The following OPCML variants were observed in gnomAD, a reference collection of about 807,000 sequenced individuals.
OPCML encodes the protein opioid binding protein/cell adhesion molecule like.
Under a neutral mutation model 37.8 loss-of-function variants are expected in OPCML, and 13 were observed. That is an observed-to-expected ratio of 0.34 (90% confidence interval 0.22 to 0.55). The LOEUF (loss-of-function observed/expected upper bound fraction) is 0.55, where lower values mean the gene tolerates loss of function less well. OPCML is among the 20% of genes least tolerant of loss of function. The pLI is 0.91. For missense variants in OPCML, 341 were observed against 435.6 expected, an observed-to-expected ratio of 0.78 and a Z score of 1.93; for synonymous variants, 176 against 168.8, an observed-to-expected ratio of 1.04 and a Z score of -0.33.
intron 1 of OPCML, chr11:133,008,191 A>T: frequency 3.0e-6 from 3 of 985,426 alleles, no homozygotes; most frequent in South Asian, 9.4e-5. Context: ...GGGTCATTCC[A>T]TTGGCTACAG....
intron 1 of OPCML, chr11:133,423,081 C>T: frequency 1.5e-5 from 15 of 985,408 alleles, no homozygotes; most frequent in African/African-American, 1.7e-5. Context: ...TGCTCTCGAA[C>T]GTGTTCTCCA....
intron 4 of OPCML, among the ~76,000 whole-genome samples, chr11:132,499,066 C>T (rs116367868): frequency 1.3e-5 from 2 of 152,342 alleles, no homozygotes; most frequent in African/African-American, 4.8e-5. Context: ...CATGGTAGCA[C>T]ACCTTGAAAT....
chr11:132,964,805 C>G (rs1487934079), intron 1 of OPCML, among the ~76,000 whole-genome samples: 1 of 152,068 alleles, frequency 6.6e-6, no homozygotes, highest in Non-Finnish European at 1.5e-5. Flanking sequence ...TTCTATCGTT[C>G]CTTTATGAAG....
intron 2 of OPCML, among the ~76,000 whole-genome samples, chr11:132,721,801 G>A (rs540440394): frequency 8.6e-5 from 13 of 152,036 alleles, no homozygotes; most frequent in South Asian, 8.3e-4. Context: ...AAATAGCCTC[G>A]GCTTTCAAGA....
chr11:133,490,603 GC>G (rs1591558271), intron 1 of OPCML, among the ~76,000 whole-genome samples: 1 of 152,174 alleles, frequency 6.6e-6, no homozygotes, highest in Non-Finnish European at 1.5e-5. Context: ...GCCCGGGTCA[GC>G]CCAGGAGATA....
chr11:132,982,555 A>G (rs918785990), intron 1 of OPCML, among the ~76,000 whole-genome samples: 3 of 151,346 alleles, frequency 2.0e-5, no homozygotes, highest in Admixed American at 2.0e-4. Context: ...AGCTTAAGAG[A>G]CAGCTGGGTT....
At position 132,723,872 on chromosome 11, in the gene OPCML, T is replaced by C. The variant is rs571403264; in HGVS notation, c.147-66553A>G. ...TGCTCCAGGGAAAATGAAAAATCCC[T>C]TGGCTAGAGAGAAGGGGGTGGAAAA... On this transcript the variant is annotated intron_variant, in intron 2 of 7. Coordinates refer to ENST00000524381, the MANE Select transcript of OPCML (RefSeq NM_001012393.5). 3.9e-5 allele frequency among the ~76,000 whole-genome samples: 6 copies of C among 152,308 alleles called. No homozygotes were observed. In the East Asian group the frequency reaches 1.2e-3, roughly 29 times the overall value.
intron 1 of OPCML, among the ~76,000 whole-genome samples, chr11:133,014,133 C>T (rs1216100061): frequency 6.6e-6 from 1 of 152,176 alleles, no homozygotes; most frequent in African/African-American, 2.4e-5. Context: ...CAGTTATTTG[C>T]CTGCCCACAA....
intron 2 of OPCML, among the ~76,000 whole-genome samples, chr11:132,733,071 T>C (rs1945132683): frequency 6.6e-6 from 1 of 152,196 alleles, no homozygotes; most frequent in African/African-American, 2.4e-5. Flanking sequence ...TCACATTATC[T>C]CAATGATATG....
chr11:132,455,478 G>C (rs1413825936), intron 4 of OPCML, among the ~76,000 whole-genome samples: 1 of 152,174 alleles, frequency 6.6e-6, no homozygotes, highest in Non-Finnish European at 1.5e-5. Flanking sequence ...GTGGGCAAAG[G>C]TTAAATCTTC....
intron 1 of OPCML, among the ~76,000 whole-genome samples, chr11:133,120,661 G>A (rs1267113421): frequency 6.6e-6 from 1 of 152,190 alleles, no homozygotes; most frequent in Non-Finnish European, 1.5e-5. Context: ...GTGCTTTTAA[G>A]TAAGTGATTC....
intron 1 of OPCML, among the ~76,000 whole-genome samples, chr11:133,312,470 C>G (rs560065691): frequency 2.6e-5 from 4 of 152,122 alleles, no homozygotes; most frequent in African/African-American, 9.7e-5. Context: ...GAAGATGAGC[C>G]GTAGCCCTGA....
intron 1 of OPCML, among the ~76,000 whole-genome samples, chr11:133,148,989 G>C (rs974775027): frequency 6.6e-6 from 1 of 152,158 alleles, no homozygotes; most frequent in African/African-American, 2.4e-5. Flanking sequence ...TAAGGTAGAG[G>C]AGGAGAGTGG....
At chr11:133,320,061 C>T (rs1943294764) in intron 1 of OPCML, among the ~76,000 whole-genome samples, 2 of 152,168 alleles carry the variant, frequency 1.3e-5, no homozygotes, top group African/African-American at 4.8e-5. Context: ...AATGTCTGTC[C>T]TTGTCACTAA....
At chr11:133,223,273 C>A (rs1939910532) in intron 1 of OPCML, among the ~76,000 whole-genome samples, 1 of 152,176 alleles carries the variant, frequency 6.6e-6, no homozygotes, top group South Asian at 2.1e-4. Flanking sequence ...ACAGAAAAGT[C>A]CTTTACAACC....
intron 4 of OPCML, among the ~76,000 whole-genome samples, chr11:132,446,715 A>G (rs2096056298): frequency 6.6e-6 from 1 of 152,168 alleles, no homozygotes; most frequent in Admixed American, 6.5e-5. Context: ...AACAAGCTAA[A>G]GTGAAATGAG....
intron 1 of OPCML, among the ~76,000 whole-genome samples, chr11:133,094,244 G>A (rs2137058235): frequency 1.3e-5 from 2 of 152,334 alleles, no homozygotes; most frequent in Middle Eastern, 3.4e-3. Context: ...TTTGAGCCAA[G>A]AAGGTGAATC....
chr11:132,712,273 C>G (rs1216968158), intron 2 of OPCML, among the ~76,000 whole-genome samples: 1 of 151,980 alleles, frequency 6.6e-6, no homozygotes, highest in Non-Finnish European at 1.5e-5. Flanking sequence ...TTTCTCAAAA[C>G]CCATAAAATG....
At chr11:133,287,692 C>T (rs1160767753) in intron 1 of OPCML, among the ~76,000 whole-genome samples, 1 of 152,076 alleles carries the variant, frequency 6.6e-6, no homozygotes, top group Non-Finnish European at 1.5e-5. Flanking sequence ...CTGGAGAGAC[C>T]CCTGAGGCAG....
Sources: allele counts gnomAD v4.1 joint callset (sites outside exome capture counted in the v4.1 genomes callset), GRCh38; gene constraint gnomAD v4.1.1; transcripts MANE v1.5; gene names NCBI Gene and HGNC (gene_info 2026-07-23, HGNC 2026-07-21).